Variants in ADAM28 observed in about 807,000 individuals in gnomAD.
ADAM28 encodes the protein ADAM metallopeptidase domain 28, also known as disintegrin and metalloproteinase domain-containing protein 28.
Under a neutral mutation model 101.2 loss-of-function variants are expected in ADAM28, and 105 were observed. The observed-to-expected ratio is 1.04, with a 90% CI of 0.89 to 1.22. ADAM28 has a LOEUF of 1.22. Among genes scored for constraint, ADAM28 ranks in the 50% most tolerant of loss-of-function variants. ADAM28 has a pLI of 0.00. For missense variants in ADAM28, 1,028 were observed against 945.4 expected (o/e 1.09, Z -1.15); for synonymous variants, 322 against 310.6 (o/e 1.04, Z -0.39).
intron 1 of ADAM28, 152 bp from the exon 2 acceptor site, chr8:24,299,822 C>T (rs1016895993): frequency 8.9e-6 from 5 of 558,772 alleles, no homozygotes; most frequent in Non-Finnish European, 1.3e-5. Flanking sequence ...TTGTTGCTCT[C>T]TTCTGGTGTC....
At chr8:24,347,304 G>A (rs1465252089) in intron 18 of ADAM28, among the ~76,000 whole-genome samples, 3 of 151,960 alleles carry the variant, frequency 2.0e-5, no homozygotes, top group African/African-American at 7.2e-5. Context: ...AGTGAAGGAT[G>A]TTTACTCTTA....
chr8:24,341,750 A>T lies in ADAM28; in HGVS notation c.1823A>T (p.Asp608Val), dbSNP rs1360013581. 1.2e-6 allele frequency: 2 copies of T among 1,613,644 alleles called. No homozygotes were observed. Residue 608 changes from aspartate to valine, a missense_variant, in exon 16 of 23, where the codon GAT (aspartate) becomes GTT (valine). Coordinates refer to ENST00000265769, the MANE Select transcript of ADAM28 (RefSeq NM_014265.6). ...GMVANGTKCG[D>V]NKVCINAECV... ...GTGGCCAATGGAACTAAGTGTGGCG[A>T]TAACAAGGTAAGTTGAAATTGTGGC...
chr8:24,328,003 C>G (rs1268436885), intron 10 of ADAM28, among the ~76,000 whole-genome samples: 2 of 152,012 alleles, frequency 1.3e-5, no homozygotes, highest in African/African-American at 4.8e-5. Flanking sequence ...CAACAAACCC[C>G]CATGACACAG....
intron 14 of ADAM28, 188 bp downstream of exon 14, chr8:24,335,829 T>C (rs1698119985): frequency 7.9e-7 from 1 of 1,262,558 alleles, no homozygotes. Flanking sequence ...AAAATAAGGA[T>C]GGCCCCGTTA....
At chr8:24,342,503 G>A (rs1291178303) in intron 16 of ADAM28, among the ~76,000 whole-genome samples, 1 of 152,092 alleles carries the variant, frequency 6.6e-6, no homozygotes, top group Admixed American at 6.6e-5. Context: ...CTGCTGATTT[G>A]ACATTAAAAT....
chr8:24,321,935 T>C (rs1811933534), intron 8 of ADAM28, among the ~76,000 whole-genome samples: 1 of 152,038 alleles, frequency 6.6e-6, no homozygotes, highest in South Asian at 2.1e-4. Context: ...CTTAGTTTTC[T>C]GTTTGTTGGA....
At position 24,331,187 on chromosome 8, in the gene ADAM28, C is replaced by G; in HGVS notation, c.1141C>G (p.Leu381Val). ...CACAGACTTCAGTTCCTGCAGCCGT[C>G]TCAGCTATGACAAGTTTTTTGAAGA... is the stretch of plus-strand genomic sequence containing the variant. ...IPTDFSSCSR[L>V]SYDKFFEDKL... The change falls in exon 12 of 23, where the codon CTC becomes GTC. Residue 381 changes from leucine to valine, a missense_variant. Coordinates refer to ENST00000265769, the MANE Select transcript of ADAM28 (RefSeq NM_014265.6). 6.2e-7 allele frequency: 1 copy of G among 1,613,346 alleles called. No individual in the cohort carries two copies.
intron 11 of ADAM28, 30 bp from the exon 12 acceptor site, chr8:24,331,120 A>G (rs1813303400): frequency 6.3e-7 from 1 of 1,585,630 alleles, no homozygotes; most frequent in Non-Finnish European, 8.6e-7. Context: ...GCATGACTAT[A>G]TTCCAGTTTT....
chr8:24,342,864 A>G (rs1814950833), intron 16 of ADAM28: 2 of 581,298 alleles, frequency 3.4e-6, no homozygotes, highest in East Asian at 6.5e-5. Flanking sequence ...TGGGATATAC[A>G]GTTGTTTGGA....
chr8:24,320,852 TCTTA>T (rs1386249085), intron 7 of ADAM28, among the ~76,000 whole-genome samples: 2 of 152,008 alleles, frequency 1.3e-5, no homozygotes. Flanking sequence ...AAAGCTTTGG[TCTTA>T]CTTACTGTGC....
chr8:24,312,237 C>T (rs1301443976), intron 5 of ADAM28, among the ~76,000 whole-genome samples: 2 of 151,976 alleles, frequency 1.3e-5, no homozygotes, highest in Non-Finnish European at 2.9e-5. Context: ...TTAAAGAAAC[C>T]TCAATCTCAG....
At position 24,356,778 on chromosome 8, in the gene ADAM28, ATTAGG is replaced by A. The variant is rs1816715347; in HGVS notation, c.*2378_*2382del. On this transcript the variant is annotated 3_prime_UTR_variant, in exon 23 of 23. Coordinates refer to ENST00000265769, the MANE Select transcript of ADAM28 (RefSeq NM_014265.6). ...TTGTCTACTTTAAAACAGTGAAATT[ATTAGG>A]TTAAATTATGTTTTTATCCAGTTAC... 6.6e-6 allele frequency: 1 copy of A among 152,138 alleles called. No homozygotes were observed. The highest frequency in any genetic ancestry group is 1.5e-5 in the Non-Finnish European group (1 of 68,014). The allele number at this position is 152,138 out of a possible 1,614,324, so 9.4% of individuals were successfully genotyped here. A position where few individuals can be genotyped will look rare whatever the true frequency, so the allele number is the denominator to read the frequency against.
At chr8:24,327,284 T>A (rs1047271934) in intron 10 of ADAM28, among the ~76,000 whole-genome samples, 5 of 152,032 alleles carry the variant, frequency 3.3e-5, no homozygotes, top group African/African-American at 1.2e-4. Flanking sequence ...TGAACTCCCA[T>A]TCACAATTAC....
chr8:24,354,114 A>AAGTAT (rs1422024271), intron 22 of ADAM28, among the ~76,000 whole-genome samples: 1 of 152,124 alleles, frequency 6.6e-6, no homozygotes, highest in Non-Finnish European at 1.5e-5. Flanking sequence ...ATAGAATAAT[A>AAGTAT]AGTATAGTAT....
rs1423395559 is a variant in ADAM28 at position 24,326,573 on chromosome 8, A to G, written c.910A>G (p.Thr304Ala). 1.2e-6 allele frequency: 2 copies of G among 1,612,074 alleles called. No homozygotes were observed. Among genetic ancestry groups the G allele is most frequent in the South Asian group, 2.2e-5 (2 of 90,938 alleles). Residue 304 changes from threonine (T) to alanine (A), a missense_variant, in exon 10 of 23, where the codon ACG becomes GCG. Thr to Ala is a moderately conservative substitution (Grantham distance 58). Transcript: ENST00000265769. ...TTGCAGAGCAACAGAACTTGCTGGA[A>G]CGACTGTGGGTCTTGCATTTATGTC... ...QLITATELAGTTVGLAFMSTM... is the reference protein window; with the variant it reads ...QLITATELAGATVGLAFMSTM...
At chr8:24,331,079 C>G in intron 11 of ADAM28, 71 bp from the exon 12 acceptor site, 3 of 1,435,644 alleles carry the variant, frequency 2.1e-6, no homozygotes, top group Admixed American at 4.6e-5. Flanking sequence ...GTAATTGTGC[C>G]TAATGTCAGA....
intron 5 of ADAM28, among the ~76,000 whole-genome samples, chr8:24,312,907 T>C (rs1473903419): frequency 6.6e-6 from 1 of 152,182 alleles, no homozygotes; most frequent in Non-Finnish European, 1.5e-5. Context: ...TTACTATCAC[T>C]ATATTAGGTA....
At position 24,351,320 on chromosome 8, in the gene ADAM28, ATAGTCTGGGCTGTG is replaced by A. The variant is rs1430811365; in HGVS notation, c.2178+11_2178+24del. ...TGTTCAACCCCAAGAGGTGAACTAT[ATAGTCTGGGCTGTG>A]ATTACCATGGCCCCACTTTGCGTTT... On this transcript the variant is annotated intron_variant, in intron 20 of 22. Transcript: ENST00000265769. 1 of 1,612,402 alleles carries A rather than the reference ATAGTCTGGGCTGTG, an allele frequency of 6.2e-7. No homozygotes were observed. The highest frequency in any genetic ancestry group is 8.5e-7 in the Non-Finnish European group (1 of 1,178,668).
rs752782917 is a variant in ADAM28 at position 24,343,103 on chromosome 8, T to C, written c.1833T>C (p.Val611=). 7.4e-6 allele frequency: 12 copies of C among 1,613,678 alleles called. No individual in the cohort carries two copies. The East Asian group carries it at 2.7e-4, about 36-fold the overall frequency. Reference sequence around the variant, plus strand: ...CATGTTTTCTACATCACTTTCAGGTTTGCATTAATGCAGAATGTGTGGATA... The same window carrying C: ...CATGTTTTCTACATCACTTTCAGGTCTGCATTAATGCAGAATGTGTGGATA... ...ANGTKCGDNK[V]CINAECVDIE... is the part of the protein sequence containing the mutation. The change falls in exon 17 of 23, where the codon GTT becomes GTC. Residue 611 remains valine (V), a splice_region_variant and synonymous_variant. Transcript: ENST00000265769.
Sources: allele counts gnomAD v4.1 joint callset (sites outside exome capture counted in the v4.1 genomes callset), GRCh38; gene constraint gnomAD v4.1.1; transcripts MANE v1.5; gene names NCBI Gene and HGNC (gene_info 2026-07-23, HGNC 2026-07-21).